DNAH8: variants seen among roughly 807,000 people sequenced by gnomAD.
DNAH8 encodes dynein axonemal heavy chain 8.
In DNAH8, 382 loss-of-function variants were observed where a neutral mutation model predicts 562.1. The observed-to-expected ratio is 0.68, with a 90% CI of 0.63 to 0.74. DNAH8 has a LOEUF of 0.74. Ranked by LOEUF, DNAH8 falls within the 30% of genes least tolerant of loss-of-function variation. DNAH8 has a pLI of 0.00. For synonymous variants in DNAH8, 1,881 were observed against 1,919.4 expected (o/e 0.98, Z 0.52); for missense variants, 5,203 against 5,620.4 (o/e 0.93, Z 2.37).
At chr6:38,883,145 A>C (rs1778640284) in intron 54 of DNAH8, 93 bp downstream of exon 54, 1 of 1,357,896 alleles carries the variant, frequency 7.4e-7, no homozygotes, top group African/African-American at 1.5e-5. Context: ...TTTATAGTAC[A>C]CATTTTACAT....
At chr6:38,793,556 T>C (rs1005067354) in intron 21 of DNAH8, among the ~76,000 whole-genome samples, 8 of 152,242 alleles carry the variant, frequency 5.3e-5, no homozygotes, top group Non-Finnish European at 1.0e-4. Context: ...GTAAAGAACA[T>C]TTAACTGTGT....
At chr6:38,828,139 T>A (rs1413768043) in intron 29 of DNAH8, 45 bp from the exon 30 acceptor site, 7 of 1,259,990 alleles carry the variant, frequency 5.6e-6, no homozygotes, top group Non-Finnish European at 5.7e-6. Context: ...CATTTGGCAA[T>A]GGCTTTCCCT....
intron 43 of DNAH8, among the ~76,000 whole-genome samples, 182 bp downstream of exon 43, chr6:38,860,811 A>T (rs978958308): frequency 6.6e-6 from 1 of 152,230 alleles, no homozygotes; most frequent in Non-Finnish European, 1.5e-5. Flanking sequence ...AATTTTTATG[A>T]AGTAGAAAAA....
intron 79 of DNAH8, among the ~76,000 whole-genome samples, chr6:38,939,840 G>A (rs1203865890): frequency 6.6e-6 from 1 of 152,186 alleles, no homozygotes; most frequent in Non-Finnish European, 1.5e-5. Flanking sequence ...AAAGAAAGTG[G>A]CATTTGAGGT....
At chr6:38,890,924 G>T (rs564812309) in intron 58 of DNAH8, among the ~76,000 whole-genome samples, 163 bp downstream of exon 58, 50 of 152,274 alleles carry the variant, frequency 3.3e-4, no homozygotes, top group African/African-American at 1.2e-3. Context: ...TCCTTCCAGG[G>T]AGCAAATGAT....
At chr6:38,790,229 T>G in intron 19 of DNAH8, 60 bp from the exon 20 acceptor site, 2 of 896,140 alleles carry the variant, frequency 2.2e-6, no homozygotes. Flanking sequence ...ATAAATCCTC[T>G]TCTATAAGTG....
At chr6:38,721,306 T>A (rs1266629180) in intron 1 of DNAH8, among the ~76,000 whole-genome samples, 1 of 151,118 alleles carries the variant, frequency 6.6e-6, no homozygotes, top group South Asian at 2.1e-4. Flanking sequence ...TAATGAGACC[T>A]TGTCTCTATG....
At chr6:39,014,041 C>T (rs1236486207) in intron 91 of DNAH8, among the ~76,000 whole-genome samples, 1 of 151,998 alleles carries the variant, frequency 6.6e-6, no homozygotes, top group African/African-American at 2.4e-5. Flanking sequence ...ATACTTTGAT[C>T]AATATTATAC....
At chr6:38,769,494 G>C (rs1767347161) in intron 11 of DNAH8, among the ~76,000 whole-genome samples, 1 of 148,846 alleles carries the variant, frequency 6.7e-6, no homozygotes, top group African/African-American at 2.4e-5. Flanking sequence ...TCTCAGATCT[G>C]AATATTTATA....
Position 39,012,219 on chromosome 6 carries a change from A to C in DNAH8, c.13376A>C (p.Lys4459Thr), listed in dbSNP as rs1766259032. The stretch of plus-strand genomic sequence containing the variant: ...GCATTGTTTACTTTGTTTTAGGTGA[A>C]ATCTCGTTTGATAAAGATGGGCCAT... ...LPPDYIPHEV[K>T]SRLIKMGHLN... Residue 4459 changes from lysine to threonine, a missense_variant, in exon 90 of 93, where the codon AAA (lysine) becomes ACA (threonine). By Grantham distance (78) the Lys-to-Thr change is moderately conservative. Coordinates refer to ENST00000327475, the MANE Select transcript of DNAH8 (RefSeq NM_001206927.2). The C allele has an allele frequency of 6.2e-7, 1 of 1,601,124 alleles. No individual in the cohort carries two copies. Among genetic ancestry groups the C allele is most frequent in the Non-Finnish European group, 8.5e-7 (1 of 1,171,602 alleles).
intron 81 of DNAH8, among the ~76,000 whole-genome samples, 200 bp downstream of exon 81, chr6:38,949,770 C>A (rs1397359865): frequency 6.6e-6 from 1 of 152,118 alleles, no homozygotes; most frequent in Non-Finnish European, 1.5e-5. Flanking sequence ...TCTTCAGTTC[C>A]TTGACAAGCA....
chr6:38,986,990 A>G (rs1764441726), intron 87 of DNAH8, among the ~76,000 whole-genome samples: 1 of 152,260 alleles, frequency 6.6e-6, no homozygotes, highest in Admixed American at 6.5e-5. Context: ...CACCAGAAAC[A>G]GAGCCCAACA....
chr6:38,741,661 A>G (rs1187489875), intron 7 of DNAH8, 50 bp from the exon 8 acceptor site: 1 of 1,467,742 alleles, frequency 6.8e-7, no homozygotes, highest in South Asian at 1.4e-5. Flanking sequence ...TCAGATTTTA[A>G]CAAAGAAGAA....
intron 1 of DNAH8, among the ~76,000 whole-genome samples, chr6:38,719,179 G>A (rs1190549826): frequency 6.6e-6 from 1 of 152,242 alleles, no homozygotes; most frequent in Admixed American, 6.5e-5. Context: ...GACATCTAGG[G>A]GGTGCTACAT....
At chr6:38,945,681 C>T in intron 80 of DNAH8, 93 bp downstream of exon 80, 1 of 1,546,164 alleles carries the variant, frequency 6.5e-7, no homozygotes, top group Non-Finnish European at 8.8e-7. Context: ...GCAATTCCTT[C>T]ACCCAAAAAA....
chr6:38,951,590 AT>A, intron 82 of DNAH8, 70 bp downstream of exon 82: 1 of 1,292,444 alleles, frequency 7.7e-7, no homozygotes. Context: ...GCCTTTCGTA[AT>A]TTTATAACTG....
At chr6:38,915,487 A>G in intron 68 of DNAH8, 110 bp downstream of exon 68, 2 of 940,826 alleles carry the variant, frequency 2.1e-6, no homozygotes, top group Non-Finnish European at 2.9e-6. Context: ...TGTGATTGAT[A>G]ATCTCTGAGT....
intron 21 of DNAH8, among the ~76,000 whole-genome samples, chr6:38,801,908 C>T (rs12208807): frequency 0.34 from 51,261 of 151,868 alleles, 9,343 homozygotes; most frequent in Admixed American, 0.41. Flanking sequence ...GGATCCTCTG[C>T]AGTTGTGTTC....
intron 1 of DNAH8, among the ~76,000 whole-genome samples, chr6:38,715,929 T>TAAATAA (rs1562520234): frequency 9.2e-4 from 26 of 28,402 alleles, no homozygotes; most frequent in South Asian, 2.5e-3. Flanking sequence ...TAAATAAATA[T>TAAATAA]ATATATATAT....
Sources: gnomAD v4.1 joint callset for allele counts (sites outside exome capture counted in the v4.1 genomes callset) on GRCh38, gnomAD v4.1.1 for gene constraint, MANE v1.5 for transcripts, NCBI Gene and HGNC (gene_info 2026-07-23, HGNC 2026-07-21) for gene names.